Variants in PRR14L observed in about 807,000 individuals in gnomAD.
PRR14L encodes the protein protein PRR14L.
PRR14L carries 80 observed loss-of-function variants against 155.0 expected under a neutral mutation model. That is an observed-to-expected ratio of 0.52 (90% CI 0.43 to 0.62). The LOEUF is 0.62. Among genes scored for constraint, PRR14L ranks in the 20% least tolerant of loss-of-function variants. The pLI is 0.00. For missense variants in PRR14L, 2,469 were observed against 2,548.0 expected, an observed-to-expected ratio of 0.97 and a Z score of 0.67; for synonymous variants, 883 against 916.0, an observed-to-expected ratio of 0.96 and a Z score of 0.65.
intron 2 of PRR14L, among the ~76,000 whole-genome samples, chr22:31,729,915 T>A (rs1219911074): frequency 1.3e-5 from 2 of 152,076 alleles, no homozygotes; most frequent in Non-Finnish European, 2.9e-5. Context: ...GGTTCACGCC[T>A]GTAATCCCAG....
chr22:31,703,753 G>C, intron 5 of PRR14L, 32 bp from the exon 6 acceptor site: 5 of 1,375,232 alleles, frequency 3.6e-6, no homozygotes, highest in African/African-American at 1.5e-5. Context: ...AGATATGAGA[G>C]GGGTTCCCTT....
chr22:31,733,322 T>TTTTTTTTA (rs2074760748), intron 2 of PRR14L, among the ~76,000 whole-genome samples: 1 of 105,686 alleles, frequency 9.5e-6, no homozygotes, highest in Non-Finnish European at 1.9e-5. Flanking sequence ...TTTTTTTTTT[T>TTTTTTTTA]GAGACGGAGT....
chr22:31,739,751 T>C (rs1195252508), intron 1 of PRR14L, among the ~76,000 whole-genome samples: 1 of 152,226 alleles, frequency 6.6e-6, no homozygotes, highest in Non-Finnish European at 1.5e-5. Flanking sequence ...GTGTTCGTAA[T>C]GTTTCATTTC....
Position 31,714,849 on chromosome 22 carries a change from T to A in PRR14L, c.2990A>T (p.Gln997Leu), listed in dbSNP as rs1001541886. ...GTGAGGCTCGGTGACAGTCTCTCTC[T>A]GGTCACTACTTAGCATCTCCTTGGC... is the stretch of plus-strand genomic sequence containing the variant. ...QSAKEMLSSD[Q>L]RETVTEPHGE... The change falls in exon 4 of 9, where the codon CAG (glutamine) becomes CTG (leucine). Residue 997 changes from glutamine (Q) to leucine (L), a missense_variant. By Grantham distance (113) the Gln-to-Leu change is moderately radical. This residue lies in a region of PRR14L where 2,363 missense variants were observed against 2,371.6 expected (regional missense o/e 1.00). Coordinates refer to ENST00000327423, the MANE Select transcript of PRR14L (RefSeq NM_173566.3). 2.6e-6 allele frequency: 4 copies of A among 1,551,922 alleles called. No individual in the cohort carries two copies. Among genetic ancestry groups the A allele is most frequent in the Non-Finnish European group, 3.5e-6 (4 of 1,147,058 alleles).
rs183195366 is a variant in PRR14L, at chr22:31,742,081, T to A, written c.-51-3170A>T. 5.3e-5 allele frequency among the ~76,000 whole-genome samples: 8 copies of A among 152,312 alleles called. No homozygotes were observed. In the East Asian group the frequency reaches 7.7e-4, roughly 15 times the overall value. On this transcript the variant is annotated intron_variant, in intron 1 of 8. Coordinates refer to ENST00000327423, the MANE Select transcript of PRR14L (RefSeq NM_173566.3). ...AAGTAGGAAGTGCTCAATTTTAATT[T>A]GGTTCAGTTTTCCTTTCCCAACAAC...
At position 31,682,540 on chromosome 22, in the gene PRR14L, A is replaced by C. The variant is rs912675757; in HGVS notation, c.*2987T>G. ...TGGAAAGGAGACCAAAAGCAAAAAAAGAGGAGGGAACGCGGAGGGAGAAGG... is the reference window on the plus strand; with the variant it reads ...TGGAAAGGAGACCAAAAGCAAAAAACGAGGAGGGAACGCGGAGGGAGAAGG... On this transcript the variant is annotated 3_prime_UTR_variant, in exon 9 of 9. Coordinates refer to ENST00000327423, the MANE Select transcript of PRR14L (RefSeq NM_173566.3). 2 of 152,202 alleles carry C rather than the reference A, an allele frequency of 1.3e-5. No homozygotes were observed. Among genetic ancestry groups the C allele is most frequent in the African/African-American group, 4.8e-5 (2 of 41,428 alleles). The allele number at this position is 152,202 out of a possible 1,614,324, so 9.4% of individuals were successfully genotyped here. A position where few individuals can be genotyped will look rare whatever the true frequency, so the allele number is the denominator to read the frequency against.
chr22:31,721,038 C>G (rs2074686527), intron 3 of PRR14L, among the ~76,000 whole-genome samples: 1 of 152,162 alleles, frequency 6.6e-6, no homozygotes, highest in African/African-American at 2.4e-5. Context: ...AACAAATAAA[C>G]TTGATAACAT....
At chr22:31,730,138 TAAA>T (rs534900377) in intron 2 of PRR14L, among the ~76,000 whole-genome samples, 1 of 113,434 alleles carries the variant, frequency 8.8e-6, no homozygotes, top group Non-Finnish European at 1.8e-5. Flanking sequence ...AGACTCAGTC[TAAA>T]AAAAAAAAAA....
chr22:31,709,532 GGTTT>G, intron 4 of PRR14L, among the ~76,000 whole-genome samples: 1 of 142,240 alleles, frequency 7.0e-6, no homozygotes, highest in African/African-American at 2.6e-5. Context: ...ACGCCTGTGG[GGTTT>G]TTTTTTTTTT....
At chr22:31,705,742 G>C (rs1022716971) in intron 4 of PRR14L, among the ~76,000 whole-genome samples, 2 of 151,862 alleles carry the variant, frequency 1.3e-5, no homozygotes, top group African/African-American at 4.8e-5. Context: ...GCTCACACCT[G>C]TAATCCCAGC....
intron 1 of PRR14L, among the ~76,000 whole-genome samples, chr22:31,745,664 G>A (rs1256437715): frequency 6.6e-6 from 1 of 151,602 alleles, no homozygotes; most frequent in African/African-American, 2.4e-5. Flanking sequence ...TGGCCAACAT[G>A]GTGAAACCCT....
At chr22:31,743,932 ACT>A (rs1283464270) in intron 1 of PRR14L, among the ~76,000 whole-genome samples, 1 of 151,920 alleles carries the variant, frequency 6.6e-6, no homozygotes, top group African/African-American at 2.4e-5. Flanking sequence ...CTATTGAATA[ACT>A]GAGTCTTTGA....
chr22:31,687,036 T>C (rs918993339), intron 8 of PRR14L, among the ~76,000 whole-genome samples: 1 of 152,126 alleles, frequency 6.6e-6, no homozygotes, highest in African/African-American at 2.4e-5. Flanking sequence ...TTTATACTTC[T>C]TTTTTCTTTT....
Position 31,715,349 on chromosome 22 carries a change from G to C in PRR14L, c.2490C>G (p.His830Gln), listed in dbSNP as rs1295480581. ...CTGTTCCTTGGCAGCAGTGATCACG[G>C]TGCTGAAATGCATTTTCATATTTTG... ...LITKYENAFQ[H>Q]RDHCCQGTGH... is the part of the protein sequence containing the mutation. The change falls in exon 4 of 9, where the codon CAC becomes CAG. Residue 830 changes from histidine to glutamine, a missense_variant. His to Gln is a conservative substitution (Grantham distance 24). This residue lies in a region of PRR14L where 2,363 missense variants were observed against 2,371.6 expected (regional missense o/e 1.00). Transcript: ENST00000327423. 3 of 1,552,046 alleles carry C rather than the reference G, an allele frequency of 1.9e-6. No homozygotes were observed. Among genetic ancestry groups the C allele is most frequent in the Admixed American group, 2.0e-5 (1 of 51,006 alleles).
At chr22:31,718,414 C>T (rs561664433) in intron 3 of PRR14L, among the ~76,000 whole-genome samples, 2 of 152,064 alleles carry the variant, frequency 1.3e-5, no homozygotes, top group Non-Finnish European at 2.9e-5. Context: ...CACCACCACA[C>T]CTGGCTAATT....
chr22:31,697,887 T>C (rs938401474), intron 7 of PRR14L, among the ~76,000 whole-genome samples: 1 of 151,924 alleles, frequency 6.6e-6, no homozygotes, highest in Non-Finnish European at 1.5e-5. Context: ...TGTAACTATA[T>C]ATATATCAAG....
At position 31,713,662 on chromosome 22, in the gene PRR14L, C is replaced by T. The variant is rs1482057369; in HGVS notation, c.4177G>A (p.Glu1393Lys). 36 of 1,551,894 alleles carry T rather than the reference C, an allele frequency of 2.3e-5. No individual in the cohort carries two copies. Among genetic ancestry groups the T allele is most frequent in the Non-Finnish European group, 3.0e-5 (34 of 1,147,062 alleles). ...LNHAEKQQSP[E>K]VLDYMLQKEE... is the part of the protein sequence containing the mutation. ...TTCTGCAACATGTAGTCCAAAACCTCAGGGCTCTGCTGTTTTTCAGCATGA... is the reference window on the plus strand; with the variant it reads ...TTCTGCAACATGTAGTCCAAAACCTTAGGGCTCTGCTGTTTTTCAGCATGA... The change falls in exon 4 of 9, where the codon GAG becomes AAG. Residue 1393 changes from glutamate to lysine, a missense_variant. By Grantham distance (56) the Glu-to-Lys change is moderately conservative. Around this residue, in one of 2 missense-constraint regions of PRR14L, gnomAD observed 2,363 missense variants for 2,371.6 expected, o/e 1.00. Transcript: ENST00000327423.
intron 6 of PRR14L, among the ~76,000 whole-genome samples, chr22:31,703,013 G>A (rs1401946586): frequency 2.1e-5 from 3 of 146,034 alleles, no homozygotes; most frequent in Admixed American, 6.9e-5. Flanking sequence ...ACACAGTTTT[G>A]CCAGGTTGCC....
intron 2 of PRR14L, among the ~76,000 whole-genome samples, chr22:31,731,912 A>T (rs1051903942): frequency 6.6e-6 from 1 of 152,160 alleles, no homozygotes; most frequent in Non-Finnish European, 1.5e-5. Context: ...GTTAAGACTC[A>T]CTTGTTATAG....
Sources: allele counts gnomAD v4.1 joint callset (sites outside exome capture counted in the v4.1 genomes callset), GRCh38; gene constraint gnomAD v4.1.1; regional missense constraint gnomAD v4.1.1; transcripts MANE v1.5; gene names NCBI Gene and HGNC (gene_info 2026-07-23, HGNC 2026-07-21).